The following SLC14A2 variants were observed in gnomAD, a reference collection of about 807,000 sequenced individuals.
SLC14A2 encodes the protein solute carrier family 14 member 2, also known as urea transporter 2.
A neutral mutation model predicts 104.6 loss-of-function variants in SLC14A2; 91 were observed. The ratio of observed to expected loss-of-function variants is 0.87; its 90% CI spans 0.73 to 1.04. The LOEUF (loss-of-function observed/expected upper bound fraction) is 1.04, where lower values mean the gene tolerates loss of function less well. SLC14A2 is among the 50% of genes least tolerant of loss of function. The pLI is 0.00. For synonymous variants in SLC14A2, 476 were observed against 466.4 expected, an observed-to-expected ratio of 1.02 and a Z score of -0.27; for missense variants, 1,189 against 1,156.0, an observed-to-expected ratio of 1.03 and a Z score of -0.41.
At chr18:45,242,627 C>T (rs143033330) in intron 1 of SLC14A2, among the ~76,000 whole-genome samples, 93 of 152,244 alleles carry the variant, frequency 6.1e-4, no homozygotes, top group African/African-American at 2.0e-3. Flanking sequence ...CAAGATCAGG[C>T]TAAATGAATA....
the SLC14A2 span, among the ~76,000 whole-genome samples, chr18:45,189,792 C>T: frequency 1.3e-5 from 2 of 152,214 alleles, no homozygotes; most frequent in Admixed American, 6.5e-5. Flanking sequence ...AGGACCTTTG[C>T]TTGGGTGATA....
chr18:45,466,902 A>C (rs924635613), intron 1 of SLC14A2, among the ~76,000 whole-genome samples: 1 of 152,066 alleles, frequency 6.6e-6, no homozygotes. Flanking sequence ...ACAGATGGGC[A>C]CATCTGTTAA....
At chr18:45,429,059 T>A (rs2302842) in intron 1 of SLC14A2, among the ~76,000 whole-genome samples, 36,261 of 152,106 alleles carry the variant, frequency 0.24, 4,983 homozygotes, top group Admixed American at 0.37. Flanking sequence ...CAGAATTTAC[T>A]TTTTCAAATA....
chr18:45,180,275 C>T, the SLC14A2 span, among the ~76,000 whole-genome samples: 72 of 152,268 alleles, frequency 4.7e-4, no homozygotes, highest in East Asian at 5.8e-4. Flanking sequence ...ATCTCTGTGC[C>T]TCTGTTCATC....
intron 1 of SLC14A2, among the ~76,000 whole-genome samples, chr18:45,267,491 A>G (rs2084604273): frequency 6.6e-6 from 1 of 152,160 alleles, no homozygotes; most frequent in Non-Finnish European, 1.5e-5. Flanking sequence ...TATTTTTAGG[A>G]GTGTGAGCTA....
chr18:45,172,547 G>C, the SLC14A2 span, among the ~76,000 whole-genome samples: 6 of 152,186 alleles, frequency 3.9e-5, no homozygotes, highest in South Asian at 1.2e-3. Flanking sequence ...TTATTTATCA[G>C]TGGTTTAGGT....
intron 16 of SLC14A2, among the ~76,000 whole-genome samples, chr18:45,672,155 C>A (rs962554589): frequency 6.6e-6 from 1 of 152,202 alleles, no homozygotes; most frequent in Non-Finnish European, 1.5e-5. Flanking sequence ...CAAAATCACA[C>A]CCCAAACATG....
intron 1 of SLC14A2, among the ~76,000 whole-genome samples, chr18:45,388,804 G>T (rs1394292347): frequency 1.3e-5 from 2 of 152,150 alleles, no homozygotes; most frequent in African/African-American, 2.4e-5. Flanking sequence ...GTCGCTGAAG[G>T]CCACAGGTGC....
chr18:45,471,039 T>C (rs2087238906), intron 1 of SLC14A2, among the ~76,000 whole-genome samples: 1 of 152,092 alleles, frequency 6.6e-6, no homozygotes, highest in Admixed American at 6.6e-5. Flanking sequence ...CACCACCAGT[T>C]CTTCTGCCAT....
intron 2 of SLC14A2, among the ~76,000 whole-genome samples, chr18:45,498,596 T>A (rs1347754459): frequency 6.6e-6 from 1 of 152,190 alleles, no homozygotes; most frequent in Admixed American, 6.5e-5. Flanking sequence ...TCCACTCCTG[T>A]TCCTGGAGAC....
intron 1 of SLC14A2, among the ~76,000 whole-genome samples, chr18:45,321,823 G>A (rs2085188182): frequency 6.6e-6 from 1 of 152,198 alleles, no homozygotes. Flanking sequence ...ATTTGGAGAG[G>A]CTCCTAAAGG....
chr18:45,179,428 C>T, the SLC14A2 span, among the ~76,000 whole-genome samples: 1 of 152,174 alleles, frequency 6.6e-6, no homozygotes, highest in African/African-American at 2.4e-5. Flanking sequence ...AGAGTCTCAC[C>T]TTTTAGCTCT....
intron 1 of SLC14A2, among the ~76,000 whole-genome samples, chr18:45,374,687 G>A (rs9949892): frequency 0.024 from 3,638 of 152,286 alleles, 148 homozygotes; most frequent in African/African-American, 0.081. Flanking sequence ...TCAGTCATCC[G>A]TGTGGGATTA....
intron 2 of SLC14A2, among the ~76,000 whole-genome samples, chr18:45,562,502 G>A (rs1317634836): frequency 3.9e-5 from 6 of 152,192 alleles, no homozygotes; most frequent in Non-Finnish European, 7.3e-5. Context: ...GCAGGAGCAA[G>A]TGTCCTGGGG....
At chr18:45,521,706 G>A (rs758858832) in intron 2 of SLC14A2, among the ~76,000 whole-genome samples, 7 of 151,948 alleles carry the variant, frequency 4.6e-5, no homozygotes, top group Non-Finnish European at 7.4e-5. Context: ...CCAGCAAGTC[G>A]CAAGATTTAA....
intron 1 of SLC14A2, among the ~76,000 whole-genome samples, chr18:45,380,539 T>C (rs1034056253): frequency 6.6e-6 from 1 of 152,198 alleles, no homozygotes; most frequent in East Asian, 1.9e-4. Context: ...ATTTCTATAG[T>C]GAGAATGAGA....
At chr18:45,484,958 A>G (rs942867070) in intron 2 of SLC14A2, among the ~76,000 whole-genome samples, 1 of 152,228 alleles carries the variant, frequency 6.6e-6, no homozygotes, top group Non-Finnish European at 1.5e-5. Context: ...CCTTACCAAC[A>G]CTACCACAAT....
chr18:45,562,065 T>C (rs1465230307), intron 2 of SLC14A2, among the ~76,000 whole-genome samples: 2 of 152,332 alleles, frequency 1.3e-5, no homozygotes, highest in African/African-American at 2.4e-5. Flanking sequence ...CCCAGTTCTC[T>C]CTCCTGTTGT....
At chr18:45,433,172 G>A (rs2086543821) in intron 1 of SLC14A2, among the ~76,000 whole-genome samples, 1 of 152,020 alleles carries the variant, frequency 6.6e-6, no homozygotes, top group Non-Finnish European at 1.5e-5. Context: ...ACTACCAAGG[G>A]ACTGCAGGCA....
Sources: allele counts gnomAD v4.1 joint callset (sites outside exome capture counted in the v4.1 genomes callset), GRCh38; gene constraint gnomAD v4.1.1; transcripts MANE v1.5; gene names NCBI Gene and HGNC (gene_info 2026-07-23, HGNC 2026-07-21).